The following STAG1 variants were observed in gnomAD, a reference collection of about 807,000 sequenced individuals.
The protein encoded by STAG1 is STAG1 cohesin complex component.
Under a neutral mutation model 170.9 loss-of-function variants are expected in STAG1, and 26 were observed. The ratio of observed to expected loss-of-function variants is 0.15; its 90% confidence interval spans 0.11 to 0.21. The LOEUF (loss-of-function observed/expected upper bound fraction) is 0.21, where lower values mean the gene tolerates loss of function less well. STAG1 is among the 10% of genes least tolerant of loss of function. The pLI, the probability that STAG1 is intolerant of heterozygous loss-of-function variation, is 1.00. For synonymous variants in STAG1, 514 were observed against 497.7 expected (o/e 1.03, Z -0.44); for missense variants, 964 against 1,509.5 (o/e 0.64, Z 5.99).
At chr3:136,579,725 G>C (rs1177335699) in intron 4 of STAG1, among the ~76,000 whole-genome samples, 1 of 152,142 alleles carries the variant, frequency 6.6e-6, no homozygotes, top group Admixed American at 6.5e-5. Context: ...GACAGGGTTG[G>C]AGGGGCAACT....
chr3:136,412,206 A>T (rs1223678501), intron 21 of STAG1, among the ~76,000 whole-genome samples: 1 of 152,040 alleles, frequency 6.6e-6, no homozygotes, highest in Admixed American at 6.6e-5. Context: ...AATTTTTTTT[A>T]AAAGGAATTC....
At chr3:136,695,644 A>G (rs1051091769) in intron 1 of STAG1, among the ~76,000 whole-genome samples, 2 of 152,000 alleles carry the variant, frequency 1.3e-5, no homozygotes. Context: ...GAAAAAAAAA[A>G]AGACAAAACT....
intron 1 of STAG1, among the ~76,000 whole-genome samples, chr3:136,656,912 C>T (rs1941397498): frequency 6.6e-6 from 1 of 151,800 alleles, no homozygotes; most frequent in African/African-American, 2.4e-5. Flanking sequence ...TTCAGCAATT[C>T]CTCTTCTAAA....
At chr3:136,671,900 GA>G in intron 1 of STAG1, among the ~76,000 whole-genome samples, 1 of 152,064 alleles carries the variant, frequency 6.6e-6, no homozygotes, top group Non-Finnish European at 1.5e-5. Context: ...GAAAGAAAAA[GA>G]AAAAAAGTAA....
intron 1 of STAG1, among the ~76,000 whole-genome samples, chr3:136,739,501 G>A (rs949732633): frequency 6.5e-5 from 8 of 122,410 alleles, no homozygotes; most frequent in Admixed American, 9.6e-5. Flanking sequence ...AACAGACTCC[G>A]TCAAAAAAAA....
intron 16 of STAG1, among the ~76,000 whole-genome samples, chr3:136,425,977 T>C (rs1012622713): frequency 2.0e-5 from 3 of 151,528 alleles, no homozygotes; most frequent in South Asian, 2.1e-4. Flanking sequence ...GTTTTTTTTT[T>C]CTATGGCATT....
chr3:136,590,345 T>C (rs1938094836), intron 4 of STAG1, among the ~76,000 whole-genome samples: 1 of 150,958 alleles, frequency 6.6e-6, no homozygotes, highest in Non-Finnish European at 1.5e-5. Context: ...CAAAAAAAAT[T>C]AGCCAGGCGT....
intron 1 of STAG1, among the ~76,000 whole-genome samples, chr3:136,707,125 A>G (rs1341697923): frequency 6.6e-6 from 1 of 152,256 alleles, no homozygotes; most frequent in African/African-American, 2.4e-5. Context: ...AAAACATAGA[A>G]GTAACCTACT....
chr3:136,576,757 C>T lies in STAG1; in HGVS notation c.298-7896G>A, dbSNP rs138968983. Among the ~76,000 whole-genome samples, 1,088 of 152,268 alleles carry T rather than the reference C, an allele frequency of 7.1e-3. 9 individuals carry two copies. The highest frequency in any genetic ancestry group is 0.012 in the Non-Finnish European group (826 of 68,020). On this transcript the variant is annotated intron_variant, in intron 4 of 33. Coordinates refer to ENST00000383202, the MANE Select transcript of STAG1 (RefSeq NM_005862.3). ...TAAATCAATTCAATCTAGATATCTA[C>T]ATAGTACAGAGTCCACATTCTTCAA...
At chr3:136,608,258 C>CAAA (rs397875177) in intron 3 of STAG1, among the ~76,000 whole-genome samples, 16 of 125,156 alleles carry the variant, frequency 1.3e-4, no homozygotes, top group African/African-American at 2.4e-4. Context: ...GACTCCATCT[C>CAAA]AAAAAAAAAA....
chr3:136,719,275 G>A (rs147928084), intron 1 of STAG1, among the ~76,000 whole-genome samples: 79 of 152,164 alleles, frequency 5.2e-4, no homozygotes, highest in Admixed American at 1.1e-3. Context: ...GCATATAAAT[G>A]ATTCCAATTT....
chr3:136,733,084 C>CTTT (rs55935142), intron 1 of STAG1, among the ~76,000 whole-genome samples: 74 of 128,292 alleles, frequency 5.8e-4, no homozygotes, highest in African/African-American at 2.0e-3. Flanking sequence ...TAAAACCTAA[C>CTTT]TTTTTTTTTT....
intron 4 of STAG1, among the ~76,000 whole-genome samples, chr3:136,597,802 T>A (rs1458452518): frequency 6.6e-6 from 1 of 151,984 alleles, no homozygotes; most frequent in Non-Finnish European, 1.5e-5. Context: ...TTTTTTTTTT[T>A]TAATGTATTG....
chr3:136,536,930 A>G (rs1055633421), intron 6 of STAG1, among the ~76,000 whole-genome samples: 26 of 152,200 alleles, frequency 1.7e-4, no homozygotes, highest in Admixed American at 1.3e-4. Flanking sequence ...GCTTGCATCC[A>G]TTAAGCATAA....
intron 4 of STAG1, among the ~76,000 whole-genome samples, chr3:136,596,852 T>C (rs1185248554): frequency 6.6e-6 from 1 of 152,164 alleles, no homozygotes; most frequent in African/African-American, 2.4e-5. Flanking sequence ...GCAGGCAGAC[T>C]GCTTGAGGCC....
At chr3:136,502,553 A>T in intron 8 of STAG1, 75 bp downstream of exon 8, 2 of 1,436,834 alleles carry the variant, frequency 1.4e-6, no homozygotes, top group Non-Finnish European at 1.9e-6. Context: ...TTTACAGGGA[A>T]CTTAAAAAGT....
chr3:136,746,733 G>C (rs544474238), intron 1 of STAG1, among the ~76,000 whole-genome samples: 2 of 152,276 alleles, frequency 1.3e-5, no homozygotes, highest in African/African-American at 4.8e-5. Flanking sequence ...CAGACTGCCT[G>C]AGGTCAGGAG....
intron 21 of STAG1, among the ~76,000 whole-genome samples, chr3:136,413,338 G>A (rs1345632884): frequency 2.7e-5 from 4 of 147,896 alleles, no homozygotes; most frequent in Non-Finnish European, 1.5e-5. Context: ...GGAAATCTGG[G>A]AAAATATTGA....
intron 5 of STAG1, among the ~76,000 whole-genome samples, chr3:136,565,098 G>A (rs1937024176): frequency 8.0e-6 from 1 of 124,700 alleles, no homozygotes; most frequent in Non-Finnish European, 1.8e-5. Context: ...GGGAGGAAAG[G>A]AAAGAGAAAG....
Sources: allele counts gnomAD v4.1 joint callset (sites outside exome capture counted in the v4.1 genomes callset), GRCh38; gene constraint gnomAD v4.1.1; transcripts MANE v1.5; gene names NCBI Gene and HGNC (gene_info 2026-07-23, HGNC 2026-07-21).